The following SORCS3 variants were observed in gnomAD, a reference collection of about 807,000 sequenced individuals.
The protein encoded by SORCS3 is VPS10 domain-containing receptor SorCS3.
SORCS3 carries 57 observed loss-of-function variants against 146.3 expected under a neutral mutation model. The ratio of observed to expected loss-of-function variants is 0.39; its 90% confidence interval spans 0.31 to 0.49. SORCS3 has a LOEUF of 0.49. Ranked by LOEUF, SORCS3 falls within the 20% of genes least tolerant of loss-of-function variation. SORCS3 has a pLI of 0.92. For missense variants in SORCS3, 1,341 were observed against 1,575.5 expected (o/e 0.85, Z 2.52); for synonymous variants, 653 against 618.5 (o/e 1.06, Z -0.83).
At position 105,245,687 on chromosome 10, in the gene SORCS3, G is replaced by T. The variant is rs769476245; in HGVS notation, c.2992+22G>T. On this transcript the variant is annotated intron_variant, in intron 21 of 26. Transcript: ENST00000369701. ...CATGGTAAGCCCTGAAAATTGTTCT[G>T]TGATGCTCCTTCCCGCTCAGTTAAT... 9.3e-6 allele frequency: 15 copies of T among 1,612,644 alleles called. No homozygotes were observed. In the Admixed American group the frequency reaches 2.3e-4, roughly 25 times the overall value.
chr10:105,128,066 G>A (rs188487163), intron 7 of SORCS3, among the ~76,000 whole-genome samples: 21 of 152,260 alleles, frequency 1.4e-4, no homozygotes, highest in Admixed American at 3.3e-4. Flanking sequence ...CCCGATGCAT[G>A]TCAGTTAAAT....
chr10:105,230,102 G>C (rs1220685921), intron 20 of SORCS3, among the ~76,000 whole-genome samples: 1 of 152,100 alleles, frequency 6.6e-6, no homozygotes, highest in African/African-American at 2.4e-5. Flanking sequence ...GCAGGGTGGT[G>C]TGCCCAACCT....
chr10:104,774,325 A>C (rs1589494255), intron 1 of SORCS3, among the ~76,000 whole-genome samples: 1 of 152,188 alleles, frequency 6.6e-6, no homozygotes, highest in South Asian at 2.1e-4. Context: ...TTCATGACTC[A>C]ACTTTGCAAG....
chr10:105,230,608 G>A (rs954140573), intron 20 of SORCS3, among the ~76,000 whole-genome samples: 2 of 152,190 alleles, frequency 1.3e-5, no homozygotes, highest in Non-Finnish European at 2.9e-5. Flanking sequence ...GGCAGCTATG[G>A]GTGGGGAGAG....
chr10:105,261,849 A>T (rs1440821439), intron 25 of SORCS3, among the ~76,000 whole-genome samples: 4 of 152,176 alleles, frequency 2.6e-5, no homozygotes, highest in African/African-American at 7.2e-5. Context: ...CTTATCCCAT[A>T]AGTGATGCTC....
chr10:104,926,444 CAA>C (rs912016382), intron 3 of SORCS3, among the ~76,000 whole-genome samples: 6 of 152,016 alleles, frequency 3.9e-5, no homozygotes, highest in Non-Finnish European at 8.8e-5. Flanking sequence ...AGGAAAAGAA[CAA>C]AACATGAACC....
At chr10:105,171,197 G>T (rs1168995524) in intron 13 of SORCS3, among the ~76,000 whole-genome samples, 1 of 152,176 alleles carries the variant, frequency 6.6e-6, no homozygotes, top group African/African-American at 2.4e-5. Flanking sequence ...TAGGCATGTT[G>T]TTTCCTACAA....
chr10:104,854,010 C>T (rs2018302779), intron 2 of SORCS3, among the ~76,000 whole-genome samples: 1 of 152,154 alleles, frequency 6.6e-6, no homozygotes, highest in South Asian at 2.1e-4. Flanking sequence ...TGAAGTTTGA[C>T]CTCAGATCTG....
chr10:104,959,569 G>A (rs1023741193), intron 3 of SORCS3, among the ~76,000 whole-genome samples: 3 of 152,108 alleles, frequency 2.0e-5, no homozygotes, highest in African/African-American at 7.2e-5. Context: ...AGCCACCCAG[G>A]GTATGATATT....
intron 7 of SORCS3, among the ~76,000 whole-genome samples, chr10:105,138,328 A>G (rs2119446464): frequency 6.6e-6 from 1 of 152,132 alleles, no homozygotes; most frequent in Non-Finnish European, 1.5e-5. Context: ...TCCCTCCCCG[A>G]GTGAGGAGAG....
chr10:105,120,815 G>T (rs777684018), intron 7 of SORCS3, among the ~76,000 whole-genome samples: 1 of 152,174 alleles, frequency 6.6e-6, no homozygotes, highest in Non-Finnish European at 1.5e-5. Context: ...TTCATTTTAT[G>T]TATCACCCCT....
intron 15 of SORCS3, among the ~76,000 whole-genome samples, chr10:105,200,629 G>C (rs1041165796): frequency 3.9e-5 from 6 of 152,164 alleles, no homozygotes; most frequent in Admixed American, 6.5e-5. Flanking sequence ...CTTGTAATTT[G>C]TATCAACTTC....
chr10:105,245,438 G>T lies in SORCS3; in HGVS notation c.2869-104G>T, dbSNP rs1211039565. ...CGGTATAACGTTTGTTTGTTTGTTT[G>T]TTTTTCTTTTCCAAGTTAGGATGAC... On this transcript the variant is annotated intron_variant, in intron 20 of 26. Transcript: ENST00000369701. 8.7e-6 allele frequency: 12 copies of T among 1,386,240 alleles called. No individual in the cohort carries two copies. The Admixed American group carries it at 2.4e-4, about 28-fold the overall frequency. The allele number at this position is 1,386,240 out of a possible 1,614,324, so 85.9% of individuals were successfully genotyped here.
intron 2 of SORCS3, among the ~76,000 whole-genome samples, chr10:104,875,539 A>G (rs1380474860): frequency 6.6e-6 from 1 of 152,242 alleles, no homozygotes; most frequent in African/African-American, 2.4e-5. Context: ...TTAGTAGACT[A>G]TTAAAAGATA....
intron 14 of SORCS3, among the ~76,000 whole-genome samples, chr10:105,187,267 C>G (rs1483796934): frequency 6.6e-6 from 1 of 152,172 alleles, no homozygotes; most frequent in African/African-American, 2.4e-5. Flanking sequence ...CCGCTTTCCA[C>G]TACCTTGCCA....
At chr10:105,095,917 A>C (rs979266914) in intron 6 of SORCS3, among the ~76,000 whole-genome samples, 1 of 152,160 alleles carries the variant, frequency 6.6e-6, no homozygotes, top group African/African-American at 2.4e-5. Flanking sequence ...AACATCAATT[A>C]AATATTGCTC....
chr10:104,768,897 A>G (rs572590120), intron 1 of SORCS3, among the ~76,000 whole-genome samples: 1 of 152,184 alleles, frequency 6.6e-6, no homozygotes, highest in Non-Finnish European at 1.5e-5. Context: ...GCCCAGAGGG[A>G]GGTACAGAGG....
intron 5 of SORCS3, among the ~76,000 whole-genome samples, chr10:105,080,405 T>C (rs1205621643): frequency 6.6e-6 from 1 of 152,194 alleles, no homozygotes; most frequent in Non-Finnish European, 1.5e-5. Flanking sequence ...TTAATGTTTT[T>C]TTTTCTTGTA....
intron 5 of SORCS3, among the ~76,000 whole-genome samples, chr10:105,061,604 T>C (rs1026910104): frequency 6.7e-6 from 1 of 148,918 alleles, no homozygotes; most frequent in Non-Finnish European, 1.5e-5. Context: ...CCCCTTTTTT[T>C]AAATAGACCT....
Sources: allele counts gnomAD v4.1 joint callset (sites outside exome capture counted in the v4.1 genomes callset), GRCh38; gene constraint gnomAD v4.1.1; transcripts MANE v1.5; gene names NCBI Gene and HGNC (gene_info 2026-07-23, HGNC 2026-07-21).